TTC34: variants seen among roughly 807,000 people sequenced by gnomAD.
TTC34 encodes the protein tetratricopeptide repeat domain 34.
A neutral mutation model predicts 40.7 loss-of-function variants in TTC34; 44 were observed. The observed-to-expected ratio is 1.08, with a 90% CI of 0.85 to 1.39. The LOEUF (loss-of-function observed/expected upper bound fraction) is 1.39. Ranked by LOEUF, TTC34 falls within the 40% of genes most tolerant of loss-of-function variation. The pLI is 0.00. For synonymous variants in TTC34, 422 were observed against 398.6 expected, an observed-to-expected ratio of 1.06 and a Z score of -0.70; for missense variants, 884 against 838.0, an observed-to-expected ratio of 1.05 and a Z score of -0.68.
At chr1:2,702,019 CA>C (rs1641151024) in intron 6 of TTC34, among the ~76,000 whole-genome samples, 1 of 107,948 alleles carries the variant, frequency 9.3e-6, no homozygotes, top group African/African-American at 2.9e-5. Context: ...GAAACCCCCC[CA>C]CTGCTTCCAG....
chr1:2,686,030 G>A (rs796210380), intron 6 of TTC34, among the ~76,000 whole-genome samples: 1 of 85,134 alleles, frequency 1.2e-5, no homozygotes, highest in Non-Finnish European at 2.2e-5. Context: ...GCCTGGAACA[G>A]CACCCTGCAC....
Position 2,787,802 on chromosome 1 carries a change from C to T in TTC34, c.1629-96G>A, listed in dbSNP as rs1643611718. On this transcript the variant is annotated intron_variant, in intron 3 of 8. Coordinates refer to ENST00000401095, the Ensembl canonical transcript of TTC34. ...GTGGGGAAATCCCGTCTCCATGTAC[C>T]TGGCCTGGGCAGCTCCCTCCGGAGG... 8 of 1,081,980 alleles carry T rather than the reference C, an allele frequency of 7.4e-6. No individual in the cohort carries two copies. The Admixed American group carries it at 2.3e-4, about 31-fold the overall frequency. 67.0% of individuals were successfully genotyped at this position (1,081,980 alleles called of 1,614,324 possible).
At chr1:2,647,532 G>A (rs542521946) in intron 6 of TTC34, among the ~76,000 whole-genome samples, 1 of 152,360 alleles carries the variant, frequency 6.6e-6, no homozygotes, top group East Asian at 1.9e-4. Flanking sequence ...TACTCAGGAG[G>A]CTAAGGCAGG....
In TTC34 at chr1:2,789,526, C is replaced by A. The variant is rs750517173; in HGVS notation, c.1605G>T (p.Thr535=). The change falls in exon 3 of 9, where the codon ACG becomes ACT. Residue 535 remains threonine (T), a synonymous_variant. Coordinates refer to ENST00000401095, the Ensembl canonical transcript of TTC34. ...ACCCCTCCTGCGTGGTGGGGCCGCC[C>A]GTCTCTGCGGCCTCCCTCCGGCCCT... 1.0e-5 allele frequency: 15 copies of A among 1,501,918 alleles called. 1 individual carries two copies. The highest frequency in any genetic ancestry group is 2.7e-5 in the East Asian group (1 of 37,018). 93.0% of individuals were successfully genotyped at this position (1,501,918 alleles called of 1,614,324 possible).
At chr1:2,692,480 G>C (rs1210276628) in intron 6 of TTC34, among the ~76,000 whole-genome samples, 2 of 141,560 alleles carry the variant, frequency 1.4e-5, no homozygotes, top group African/African-American at 5.4e-5. Context: ...GTGAGCATCT[G>C]ACAGCCTGGA....
intron 8 of TTC34, among the ~76,000 whole-genome samples, chr1:2,643,006 CCG>C (rs1638939138): frequency 6.6e-6 from 1 of 152,232 alleles, no homozygotes; most frequent in South Asian, 2.1e-4. Context: ...TGACCCCGAC[CCG>C]TAGTTCACGG....
At chr1:2,801,401 C>T (rs1643771515) in intron 1 of TTC34, among the ~76,000 whole-genome samples, 176 bp downstream of exon 1, 1 of 152,110 alleles carries the variant, frequency 6.6e-6, no homozygotes, top group Admixed American at 6.5e-5. Context: ...CCACCCCAGC[C>T]CATGGGTGGG....
At chr1:2,656,363 A>T (rs1170988654) in intron 6 of TTC34, among the ~76,000 whole-genome samples, 1 of 75,474 alleles carries the variant, frequency 1.3e-5, no homozygotes, top group African/African-American at 5.8e-5. Context: ...ACAGCCTGGA[A>T]CAGCACCCAC....
At chr1:2,640,091 G>C (rs1398698152) in exon 9 of TTC34, 2 of 152,458 alleles carry the variant, frequency 1.3e-5, no homozygotes, top group Non-Finnish European at 2.9e-5. Flanking sequence ...AAGCGGCAGA[G>C]AAGGGGACAG....
Position 2,796,487 on chromosome 1 carries a change from C to T in TTC34, c.784+3557G>A, listed in dbSNP as rs1643711113. Among the ~76,000 whole-genome samples the T allele has an allele frequency of 6.6e-6, 1 of 152,278 alleles. No homozygotes were observed. Among genetic ancestry groups the T allele is most frequent in the South Asian group, 2.1e-4 (1 of 4,828 alleles). On this transcript the variant is annotated intron_variant, in intron 2 of 8. Transcript: ENST00000401095. This position sits in a 1 kb window ranked among gnomAD's most constrained non-coding sequence, Gnocchi z 4.5. ...GTGTTCCCTGTACACACCAGAGCCA[C>T]GGCAGACACAGACGAGCTTCCGGTG...
At chr1:2,686,668 A>G in intron 6 of TTC34, among the ~76,000 whole-genome samples, 1 of 151,386 alleles carries the variant, frequency 6.6e-6, no homozygotes, top group Non-Finnish European at 1.5e-5. Flanking sequence ...GACAGCCTGG[A>G]ACAGCACCCT....
At chr1:2,699,342 C>T (rs1336772897) in intron 6 of TTC34, among the ~76,000 whole-genome samples, 1 of 131,498 alleles carries the variant, frequency 7.6e-6, no homozygotes, top group Non-Finnish European at 1.7e-5. Flanking sequence ...TCCAGGCGAG[C>T]ATCTGACAGC....
At chr1:2,683,228 C>A (rs1283999255) in intron 6 of TTC34, among the ~76,000 whole-genome samples, 8 of 149,936 alleles carry the variant, frequency 5.3e-5, no homozygotes, top group Admixed American at 6.6e-5. Context: ...TCGGCACCCA[C>A]ACCCCCAAGT....
chr1:2,652,523 A>ATGG (rs1639181745), intron 6 of TTC34, among the ~76,000 whole-genome samples: 1 of 5,786 alleles, frequency 1.7e-4, no homozygotes, highest in African/African-American at 6.2e-4. Flanking sequence ...CAGCACCCAC[A>ATGG]CCTCCAGGCG....
intron 6 of TTC34, among the ~76,000 whole-genome samples, chr1:2,767,768 C>A (rs1461725885): frequency 6.7e-6 from 1 of 148,746 alleles, no homozygotes; most frequent in Admixed American, 6.7e-5. Flanking sequence ...ACCCTGCACC[C>A]CCAGTTGAGC....
chr1:2,794,920 T>C (rs1269446098), intron 2 of TTC34, among the ~76,000 whole-genome samples: 1 of 152,232 alleles, frequency 6.6e-6, no homozygotes, highest in Non-Finnish European at 1.5e-5. Context: ...TTTTAAGTTC[T>C]ATATTATAAT....
chr1:2,750,904 A>T (rs1641298019), intron 6 of TTC34, among the ~76,000 whole-genome samples: 1 of 107,788 alleles, frequency 9.3e-6, no homozygotes, highest in Non-Finnish European at 1.8e-5. Context: ...CGAGCATCTG[A>T]ACGCACGGAG....
At chr1:2,649,217 G>A (rs1203203519) in intron 6 of TTC34, among the ~76,000 whole-genome samples, 1 of 151,544 alleles carries the variant, frequency 6.6e-6, no homozygotes, top group Non-Finnish European at 1.5e-5. Context: ...CCCCAGGTGA[G>A]CTTGTGACAA....
intron 6 of TTC34, among the ~76,000 whole-genome samples, chr1:2,700,038 G>T (rs1476501068): frequency 8.1e-6 from 1 of 123,594 alleles, no homozygotes; most frequent in African/African-American, 2.6e-5. Flanking sequence ...TGATAGCCTG[G>T]AGCAGCGCCC....
Sources: gnomAD v4.1 joint callset for allele counts (sites outside exome capture counted in the v4.1 genomes callset) on GRCh38, gnomAD v4.1.1 for gene constraint, Gnocchi (gnomAD v3.1) non-coding constraint, MANE v1.5 for transcripts, NCBI Gene and HGNC (gene_info 2026-07-23, HGNC 2026-07-21) for gene names.